Variants in BNC2 observed in about 807,000 individuals in gnomAD.
BNC2 encodes the protein zinc finger protein basonuclin-2.
In BNC2, 20 loss-of-function variants were observed where a neutral mutation model predicts 76.3. The observed-to-expected ratio is 0.26, with a 90% confidence interval of 0.18 to 0.38. The LOEUF (loss-of-function observed/expected upper bound fraction) is 0.38, where lower values mean the gene tolerates loss of function less well. Among genes scored for constraint, BNC2 ranks in the 10% least tolerant of loss-of-function variants. The pLI is 1.00. For synonymous variants in BNC2, 582 were observed against 514.8 expected (o/e 1.13, Z -1.77); for missense variants, 1,382 against 1,399.8 (o/e 0.99, Z 0.20).
At chr9:16,429,392 G>A (rs1258586698) in intron 6 of BNC2, 1 of 152,548 alleles carries the variant, frequency 6.6e-6, no homozygotes, top group Non-Finnish European at 1.5e-5. Context: ...AAGAAAAGAT[G>A]GGCTACAAAA....
At chr9:16,845,055 C>T (rs919796230) in intron 1 of BNC2, among the ~76,000 whole-genome samples, 1 of 152,176 alleles carries the variant, frequency 6.6e-6, no homozygotes, top group African/African-American at 2.4e-5. Flanking sequence ...ACCCCCTCCA[C>T]CTGTCAGTAC....
intron 1 of BNC2, among the ~76,000 whole-genome samples, chr9:16,785,220 C>A (rs1826253624): frequency 6.6e-6 from 1 of 152,136 alleles, no homozygotes; most frequent in African/African-American, 2.4e-5. Flanking sequence ...ACAAGACTGC[C>A]CAAGCCTTAA....
chr9:16,521,519 T>C (rs1817619011), intron 5 of BNC2, among the ~76,000 whole-genome samples: 1 of 152,036 alleles, frequency 6.6e-6, no homozygotes. Flanking sequence ...GAGAAGAAAA[T>C]ATAATTTGCG....
At chr9:16,546,826 G>A (rs914544604) in intron 5 of BNC2, among the ~76,000 whole-genome samples, 8 of 152,128 alleles carry the variant, frequency 5.3e-5, no homozygotes, top group Admixed American at 4.6e-4. Context: ...TGGAAAGACA[G>A]GCTGGTAGCC....
intron 1 of BNC2, among the ~76,000 whole-genome samples, chr9:16,791,364 A>G (rs577771868): frequency 4.1e-4 from 63 of 152,236 alleles, no homozygotes; most frequent in African/African-American, 1.4e-3. Flanking sequence ...CCCGGCCACA[A>G]TTATAGTTAA....
At chr9:16,581,075 T>A (rs937082567) in intron 4 of BNC2, among the ~76,000 whole-genome samples, 3 of 152,182 alleles carry the variant, frequency 2.0e-5, no homozygotes, top group East Asian at 3.9e-4. Flanking sequence ...AAAAAAAGGA[T>A]ATTTGGGAAC....
intron 5 of BNC2, among the ~76,000 whole-genome samples, chr9:16,465,433 C>G (rs1472002994): frequency 1.2e-4 from 5 of 41,482 alleles, no homozygotes; most frequent in African/African-American, 8.4e-4. Context: ...GACTCCAACT[C>G]CAAAAAAAAA....
chr9:16,776,363 C>A (rs1825968418), intron 1 of BNC2, among the ~76,000 whole-genome samples: 1 of 152,092 alleles, frequency 6.6e-6, no homozygotes, highest in Non-Finnish European at 1.5e-5. Context: ...TGGTCTCGAA[C>A]CTCTGAGCTC....
intron 1 of BNC2, among the ~76,000 whole-genome samples, chr9:16,854,563 TATC>T (rs1191869420): frequency 6.6e-6 from 1 of 152,172 alleles, no homozygotes; most frequent in African/African-American, 2.4e-5. Flanking sequence ...TTGCAATATA[TATC>T]TTTTTTTCCA....
At chr9:16,782,672 G>T (rs933034105) in intron 1 of BNC2, among the ~76,000 whole-genome samples, 1 of 152,104 alleles carries the variant, frequency 6.6e-6, no homozygotes, top group African/African-American at 2.4e-5. Flanking sequence ...TGTGCCGATG[G>T]AACTCTGGGC....
intron 5 of BNC2, among the ~76,000 whole-genome samples, chr9:16,446,362 C>A (rs889946592): frequency 6.6e-6 from 1 of 151,918 alleles, no homozygotes; most frequent in Admixed American, 6.6e-5. Flanking sequence ...AGGAGCATGG[C>A]CCTTGACTCT....
chr9:16,802,308 C>G (rs1233202948), intron 1 of BNC2, among the ~76,000 whole-genome samples: 3 of 152,232 alleles, frequency 2.0e-5, no homozygotes, highest in Admixed American at 2.0e-4. Flanking sequence ...AATGGACCAA[C>G]AGTCCACTGC....
chr9:16,767,965 ATT>A (rs764469661), intron 1 of BNC2, among the ~76,000 whole-genome samples: 46 of 138,624 alleles, frequency 3.3e-4, no homozygotes, highest in Non-Finnish European at 2.8e-4. Flanking sequence ...AGGTTATGCA[ATT>A]TTTTTTTTTT....
intron 1 of BNC2, among the ~76,000 whole-genome samples, chr9:16,839,945 C>T (rs1021834077): frequency 6.6e-6 from 1 of 152,204 alleles, no homozygotes; most frequent in Non-Finnish European, 1.5e-5. Context: ...GAACTCCTTC[C>T]AATGACCCAA....
rs1820420488 is a variant in BNC2 at position 16,409,697 on chromosome 9, T to A, written c.*9292A>T. 1 of 152,594 alleles carries A rather than the reference T, an allele frequency of 6.6e-6. No homozygotes were observed. Among genetic ancestry groups the A allele is most frequent in the Non-Finnish European group, 1.5e-5 (1 of 68,032 alleles). 9.5% of individuals were successfully genotyped at this position (152,594 alleles called of 1,614,324 possible). A position where few individuals can be genotyped will look rare whatever the true frequency, so the allele number is the denominator to read the frequency against. On this transcript the variant is annotated 3_prime_UTR_variant, in exon 7 of 7. Transcript: ENST00000380672. ...GTAACAGCAAATTAAAAAATTTAAT[T>A]ACCTTAGCCTACCAATAAAAACAAA...
chr9:16,436,552 G>T lies in BNC2; in HGVS notation c.1642C>A (p.Pro548Thr). ...CTAGGGAGAGGATTTTGCAAGACAG[G>T]GTCTAGAGGGGGAGTGGTAAAACCC... Reference protein sequence around the residue: ...PMGFTTPPLDPVLQNPLPSQL... With the variant: ...PMGFTTPPLDTVLQNPLPSQL... Residue 548 changes from proline to threonine, a missense_variant, in exon 6 of 7, where the codon CCT (proline) becomes ACT (threonine). Coordinates refer to ENST00000380672, the MANE Select transcript of BNC2 (RefSeq NM_017637.6). 1.2e-6 allele frequency: 2 copies of T among 1,614,074 alleles called. No homozygotes were observed. Among genetic ancestry groups the T allele is most frequent in the Non-Finnish European group, 1.7e-6 (2 of 1,180,006 alleles).
chr9:16,740,850 G>C (rs1824827038), intron 1 of BNC2, among the ~76,000 whole-genome samples: 1 of 150,248 alleles, frequency 6.7e-6, no homozygotes, highest in Non-Finnish European at 1.5e-5. Context: ...CCTGGAGGGA[G>C]AAAAAAGAAA....
chr9:16,693,412 G>A (rs867102378), intron 3 of BNC2, among the ~76,000 whole-genome samples: 1 of 152,188 alleles, frequency 6.6e-6, no homozygotes, highest in Middle Eastern at 3.4e-3. Context: ...ATGCTTCTTG[G>A]CCAAAGATTA....
intron 5 of BNC2, among the ~76,000 whole-genome samples, chr9:16,526,356 G>T (rs1322104387): frequency 6.7e-6 from 1 of 150,164 alleles, no homozygotes; most frequent in Non-Finnish European, 1.5e-5. Flanking sequence ...CTTTCCAAAT[G>T]AAAACCAAAC....
Sources: allele counts gnomAD v4.1 joint callset (sites outside exome capture counted in the v4.1 genomes callset), GRCh38; gene constraint gnomAD v4.1.1; transcripts MANE v1.5; gene names NCBI Gene and HGNC (gene_info 2026-07-23, HGNC 2026-07-21).